SCHIP1: variants seen among roughly 807,000 people sequenced by gnomAD.
SCHIP1 encodes the protein schwannomin interacting protein 1.
In SCHIP1, 8 loss-of-function variants were observed where a neutral mutation model predicts 29.7. The observed-to-expected ratio is 0.27, with a 90% CI of 0.16 to 0.49. The LOEUF (loss-of-function observed/expected upper bound fraction) is 0.49, where lower values mean the gene tolerates loss of function less well. Ranked by LOEUF, SCHIP1 falls within the 20% of genes least tolerant of loss-of-function variation. SCHIP1 has a pLI of 0.99. For missense variants in SCHIP1, 193 were observed against 294.6 expected (o/e 0.66, Z 2.52); for synonymous variants, 76 against 94.9 (o/e 0.80, Z 1.16).
chr3:159,546,472 C>A, the SCHIP1 span, among the ~76,000 whole-genome samples: 1 of 151,976 alleles, frequency 6.6e-6, no homozygotes, highest in African/African-American at 2.4e-5. Flanking sequence ...ATGGCACAGG[C>A]ATACATGTGC....
At chr3:159,625,886 A>G in the SCHIP1 span, among the ~76,000 whole-genome samples, 1 of 151,994 alleles carries the variant, frequency 6.6e-6, no homozygotes, top group Non-Finnish European at 1.5e-5. Flanking sequence ...CCCTACATGT[A>G]GAGGACAGAG....
chr3:159,397,696 A>G, the SCHIP1 span, among the ~76,000 whole-genome samples: 1 of 152,216 alleles, frequency 6.6e-6, no homozygotes. Context: ...CTCCAGCTGC[A>G]TGCTGGGAGA....
the SCHIP1 span, among the ~76,000 whole-genome samples, chr3:159,304,177 T>C: frequency 6.6e-6 from 1 of 152,202 alleles, no homozygotes; most frequent in Non-Finnish European, 1.5e-5. Flanking sequence ...AAAATCATAG[T>C]GTACTTATAG....
At chr3:159,370,606 G>T in the SCHIP1 span, among the ~76,000 whole-genome samples, 6 of 152,192 alleles carry the variant, frequency 3.9e-5, no homozygotes, top group Non-Finnish European at 5.9e-5. Context: ...TGAGTGAGTA[G>T]ACTGAGTGAA....
At chr3:159,529,442 C>T in the SCHIP1 span, among the ~76,000 whole-genome samples, 1 of 152,142 alleles carries the variant, frequency 6.6e-6, no homozygotes, top group African/African-American at 2.4e-5. Context: ...TTGCTGGCTC[C>T]TACATGTTCC....
the SCHIP1 span, chr3:159,309,255 A>G: frequency 5.1e-6 from 1 of 196,404 alleles, no homozygotes; most frequent in Non-Finnish European, 9.2e-6. Flanking sequence ...CAACTAATGG[A>G]AAAAGGAAAT....
At chr3:159,864,514 CAT>C (rs1553797122) in intron 1 of SCHIP1, among the ~76,000 whole-genome samples, 7 of 144,654 alleles carry the variant, frequency 4.8e-5, no homozygotes, top group East Asian at 2.1e-4. Context: ...CACACACACA[CAT>C]ATGCTAGCTC....
the SCHIP1 span, among the ~76,000 whole-genome samples, chr3:159,639,083 T>A: frequency 6.6e-6 from 1 of 152,302 alleles, no homozygotes; most frequent in Admixed American, 6.5e-5. Context: ...TTAAATTTCT[T>A]AAAATCCCCA....
chr3:159,424,861 G>A, the SCHIP1 span, among the ~76,000 whole-genome samples: 1 of 151,992 alleles, frequency 6.6e-6, no homozygotes, highest in Non-Finnish European at 1.5e-5. Flanking sequence ...AACTCTAAAA[G>A]CCAGAAGAGA....
intron 2 of SCHIP1, among the ~76,000 whole-genome samples, chr3:159,877,465 A>C (rs1045556763): frequency 6.6e-6 from 1 of 152,268 alleles, no homozygotes; most frequent in Non-Finnish European, 1.5e-5. Context: ...AAACAGTCAC[A>C]AACTAAATCA....
At chr3:159,287,622 GCGTTCGTCTAAGTATTTTA>G in the SCHIP1 span, among the ~76,000 whole-genome samples, 3 of 152,066 alleles carry the variant, frequency 2.0e-5, no homozygotes, top group African/African-American at 7.2e-5. Flanking sequence ...TATATGCTAA[GCGTTCGTCTAAGTATTTTA>G]CATATGCTAA....
chr3:159,714,017 A>G, the SCHIP1 span, among the ~76,000 whole-genome samples: 12 of 152,326 alleles, frequency 7.9e-5, no homozygotes, highest in African/African-American at 2.9e-4. Flanking sequence ...TGGGTGGATC[A>G]CTTGAGGTCA....
chr3:159,890,149 A>C (rs1009244436), intron 5 of SCHIP1, among the ~76,000 whole-genome samples: 1 of 152,082 alleles, frequency 6.6e-6, no homozygotes, highest in Non-Finnish European at 1.5e-5. Context: ...AGAGATACCT[A>C]CTGAAGCATT....
At chr3:159,812,966 G>A in the SCHIP1 span, among the ~76,000 whole-genome samples, 3 of 152,334 alleles carry the variant, frequency 2.0e-5, no homozygotes, top group South Asian at 6.2e-4. Context: ...GAAAGCAGGA[G>A]TGTGCAGAAA....
the SCHIP1 span, among the ~76,000 whole-genome samples, chr3:159,745,867 T>C: frequency 6.6e-6 from 1 of 152,238 alleles, no homozygotes; most frequent in Non-Finnish European, 1.5e-5. Flanking sequence ...TCTATATTTG[T>C]TAATTTTTGG....
Position 159,886,229 on chromosome 3 carries a change from C to T in SCHIP1, c.172C>T (p.Gln58Ter). 1.2e-6 allele frequency: 2 copies of T among 1,614,174 alleles called. No individual in the cohort carries two copies. Among genetic ancestry groups the T allele is most frequent in the Non-Finnish European group, 1.7e-6 (2 of 1,180,004 alleles). Residue 58 changes from glutamine (Q) to a stop codon, truncating the protein, a stop_gained, in exon 3 of 7, where the codon CAG becomes TAG. Coordinates refer to ENST00000445224, the Ensembl canonical transcript of SCHIP1. LOFTEE classifies it high-confidence loss of function. ...CAGACTGCAGAGTGGGATGAACTTG[C>T]AGATATGCTTTGTCAACGACAGTGG...
chr3:159,658,748 C>A, the SCHIP1 span, among the ~76,000 whole-genome samples: 722 of 152,308 alleles, frequency 4.7e-3, 8 homozygotes, highest in African/African-American at 0.016. Context: ...ATATCCAACT[C>A]TCTATTCAAC....
chr3:159,530,085 C>T, the SCHIP1 span, among the ~76,000 whole-genome samples: 43 of 152,278 alleles, frequency 2.8e-4, no homozygotes, highest in African/African-American at 9.1e-4. Flanking sequence ...CTTCAATATA[C>T]TGATTTCCTT....
At chr3:159,843,356 C>T (rs1375931880) in intron 1 of SCHIP1, among the ~76,000 whole-genome samples, 2 of 151,896 alleles carry the variant, frequency 1.3e-5, no homozygotes, top group Admixed American at 6.6e-5. Context: ...ATTTATTTAT[C>T]GCCATTTATC....
Sources: allele counts gnomAD v4.1 joint callset (sites outside exome capture counted in the v4.1 genomes callset), GRCh38; gene constraint gnomAD v4.1.1; transcripts MANE v1.5; gene names NCBI Gene and HGNC (gene_info 2026-07-23, HGNC 2026-07-21).